MGAT5: variants seen among roughly 807,000 people sequenced by gnomAD.
MGAT5 encodes alpha-1,6-mannosylglycoprotein 6-beta-N-acetylglucosaminyltransferase.
Under a neutral mutation model 94.3 loss-of-function variants are expected in MGAT5, and 30 were observed. The ratio of observed to expected loss-of-function variants is 0.32; its 90% CI spans 0.24 to 0.43. MGAT5 has a LOEUF of 0.43. Among genes scored for constraint, MGAT5 ranks in the 20% least tolerant of loss-of-function variants. MGAT5 has a pLI of 1.00. For synonymous variants in MGAT5, 310 were observed against 322.9 expected (o/e 0.96, Z 0.43); for missense variants, 691 against 905.5 (o/e 0.76, Z 3.04).
rs118166940 is a variant in MGAT5, at chr2:134,247,963, C to T, written c.-142-6299C>T. On this transcript the variant is annotated intron_variant, in intron 1 of 16. Coordinates refer to the MGAT5 transcript ENST00000409645. The stretch of plus-strand genomic sequence containing the variant: ...TTCCCGGGTATTTTCCCCTCCATCC[C>T]TTGTCTTAGACATATTTTGTTTCTG... Among the ~76,000 whole-genome samples, 428 of 152,326 alleles carry T rather than the reference C, an allele frequency of 2.8e-3. 9 individuals carry two copies. In the East Asian group the frequency reaches 0.047, roughly 17 times the overall value.
chr2:134,203,746 T>C (rs1284859033), intron 1 of MGAT5, among the ~76,000 whole-genome samples: 2 of 152,180 alleles, frequency 1.3e-5, no homozygotes, highest in Admixed American at 1.3e-4. Context: ...TATATTTTCA[T>C]GACTGTGTCC....
intron 1 of MGAT5, among the ~76,000 whole-genome samples, chr2:134,243,034 G>A (rs967105776): frequency 1.3e-5 from 2 of 151,494 alleles, no homozygotes; most frequent in Admixed American, 1.3e-4. Flanking sequence ...CTACATTTGT[G>A]GGGTGGGAGA....
At chr2:134,182,059 T>A (rs1190171516) in intron 1 of MGAT5, among the ~76,000 whole-genome samples, 2 of 152,178 alleles carry the variant, frequency 1.3e-5, no homozygotes, top group Non-Finnish European at 2.9e-5. Flanking sequence ...GAGTATAACA[T>A]CTGGTTAAGT....
At chr2:134,394,410 C>T (rs1226229007) in intron 10 of MGAT5, among the ~76,000 whole-genome samples, 1 of 152,148 alleles carries the variant, frequency 6.6e-6, no homozygotes, top group African/African-American at 2.4e-5. Flanking sequence ...TCTGCTAATA[C>T]TGTCCTTTAA....
chr2:134,219,510 C>T (rs945927971), intron 1 of MGAT5, among the ~76,000 whole-genome samples: 92 of 152,230 alleles, frequency 6.0e-4, no homozygotes, highest in African/African-American at 2.1e-3. Flanking sequence ...TTTTTCCTCA[C>T]CAGAATGAGG....
intron 1 of MGAT5, among the ~76,000 whole-genome samples, chr2:134,256,163 C>G (rs1301901634): frequency 1.3e-5 from 2 of 152,108 alleles, no homozygotes; most frequent in African/African-American, 4.8e-5. Context: ...AAATGAGATT[C>G]CACTGTGGGA....
chr2:134,140,769 G>GA (rs113665714), intron 1 of MGAT5, among the ~76,000 whole-genome samples: 2 of 151,898 alleles, frequency 1.3e-5, no homozygotes, highest in African/African-American at 2.4e-5. Context: ...GAATTAGCAG[G>GA]AAAAAAAAGT....
At chr2:134,369,173 C>A (rs542818846) in intron 10 of MGAT5, among the ~76,000 whole-genome samples, 22 of 152,310 alleles carry the variant, frequency 1.4e-4, no homozygotes, top group African/African-American at 4.8e-4. Flanking sequence ...CTAAGTTTAG[C>A]TTAAATTACT....
intron 9 of MGAT5, among the ~76,000 whole-genome samples, chr2:134,360,880 A>G (rs1054898138): frequency 1.7e-5 from 2 of 120,940 alleles, no homozygotes; most frequent in Non-Finnish European, 4.2e-5. Context: ...ACAACTCCCC[A>G]GCCACAACCC....
At chr2:134,429,560 T>C (rs1339292737) in intron 14 of MGAT5, among the ~76,000 whole-genome samples, 1 of 152,220 alleles carries the variant, frequency 6.6e-6, no homozygotes, top group African/African-American at 2.4e-5. Flanking sequence ...TTCGTAGGGC[T>C]GATGTGAGGA....
chr2:134,366,662 G>A (rs1680449534), intron 10 of MGAT5, among the ~76,000 whole-genome samples: 2 of 152,170 alleles, frequency 1.3e-5, no homozygotes. Flanking sequence ...ATCACCTGAG[G>A]ATCTTGTTAA....
intron 14 of MGAT5, among the ~76,000 whole-genome samples, chr2:134,434,561 A>G (rs566773080): frequency 2.2e-4 from 34 of 152,338 alleles, no homozygotes; most frequent in African/African-American, 7.9e-4. Context: ...TACTTCTGCT[A>G]CTGTCAAAGC....
intron 10 of MGAT5, among the ~76,000 whole-genome samples, chr2:134,384,813 A>G (rs1681869161): frequency 6.6e-6 from 1 of 152,270 alleles, no homozygotes; most frequent in South Asian, 2.1e-4. Context: ...CCAAATAAAA[A>G]TGGTAGAGTG....
At chr2:134,331,963 T>G (rs1688001903) in intron 4 of MGAT5, among the ~76,000 whole-genome samples, 1 of 144,530 alleles carries the variant, frequency 6.9e-6, no homozygotes, top group East Asian at 2.0e-4. Flanking sequence ...GTAGGAAGAA[T>G]CAATATCATG....
chr2:134,279,062 T>C (rs1044122292), intron 2 of MGAT5, among the ~76,000 whole-genome samples: 6 of 152,326 alleles, frequency 3.9e-5, no homozygotes, highest in Middle Eastern at 3.4e-3. Flanking sequence ...AGTGCTGAGC[T>C]TGGAGTCTGG....
chr2:134,157,109 T>G (rs1687514580), intron 1 of MGAT5, among the ~76,000 whole-genome samples: 2 of 152,206 alleles, frequency 1.3e-5, no homozygotes, highest in Admixed American at 1.3e-4. Flanking sequence ...CTCAGCATCC[T>G]CCATCATATT....
At chr2:134,389,698 G>A (rs1256165415) in intron 10 of MGAT5, among the ~76,000 whole-genome samples, 1 of 152,184 alleles carries the variant, frequency 6.6e-6, no homozygotes, top group Non-Finnish European at 1.5e-5. Context: ...GTTATGGCAA[G>A]CTGGTCCCAT....
At chr2:134,435,243 T>C (rs1277299845) in intron 14 of MGAT5, among the ~76,000 whole-genome samples, 1 of 152,146 alleles carries the variant, frequency 6.6e-6, no homozygotes, top group Non-Finnish European at 1.5e-5. Context: ...ACCCCATCAC[T>C]TCTGACCCAT....
chr2:134,322,023 C>T (rs531777913), intron 4 of MGAT5, among the ~76,000 whole-genome samples: 2 of 152,268 alleles, frequency 1.3e-5, no homozygotes, highest in South Asian at 2.1e-4. Flanking sequence ...CTTAGAGTCA[C>T]ACCTGACATC....
Sources: allele counts gnomAD v4.1 joint callset (sites outside exome capture counted in the v4.1 genomes callset), GRCh38; gene constraint gnomAD v4.1.1; transcripts MANE v1.5; gene names NCBI Gene and HGNC (gene_info 2026-07-23, HGNC 2026-07-21).